Variants in SLC36A4 observed in about 807,000 individuals in gnomAD.
The protein encoded by SLC36A4 is solute carrier family 36 member 4.
SLC36A4 carries 49 observed loss-of-function variants against 50.5 expected under a neutral mutation model. That is an observed-to-expected ratio of 0.97 (90% CI 0.77 to 1.23). The LOEUF (loss-of-function observed/expected upper bound fraction) is 1.23, where lower values mean the gene tolerates loss of function less well. Among genes scored for constraint, SLC36A4 ranks in the 50% most tolerant of loss-of-function variants. SLC36A4 has a pLI of 0.00. For missense variants in SLC36A4, 611 were observed against 608.4 expected, an observed-to-expected ratio of 1.00 and a Z score of -0.05; for synonymous variants, 207 against 206.5, an observed-to-expected ratio of 1.00 and a Z score of -0.02.
rs1365221165 is a variant in SLC36A4 at position 93,167,941 on chromosome 11, T to C, written c.768+3A>G. The C allele has an allele frequency of 1.3e-6, 2 of 1,586,018 alleles. No homozygotes were observed. Among genetic ancestry groups the C allele is most frequent in the Non-Finnish European group, 1.7e-6 (2 of 1,168,730 alleles). On this transcript the variant is annotated splice_donor_region_variant and intron_variant, in intron 7 of 10. Coordinates refer to ENST00000326402, the MANE Select transcript of SLC36A4 (RefSeq NM_152313.4). ...AACTTAGTTAAAAACTTTTTATACT[T>C]ACCCTGACAACATACTGGTAAATTA...
intron 9 of SLC36A4, chr11:93,155,272 G>A (rs1168391261): frequency 6.6e-6 from 1 of 152,120 alleles, no homozygotes; most frequent in Non-Finnish European, 1.5e-5. Flanking sequence ...TCAGTGTGCT[G>A]CAACTTCGGG....
At chr11:93,193,346 C>T (rs1251085711) in intron 1 of SLC36A4, among the ~76,000 whole-genome samples, 1 of 152,050 alleles carries the variant, frequency 6.6e-6, no homozygotes, top group Non-Finnish European at 1.5e-5. Flanking sequence ...GATTATAGAA[C>T]CCAATTTACA....
At chr11:93,195,753 C>T (rs1468781706) in intron 1 of SLC36A4, among the ~76,000 whole-genome samples, 2 of 152,182 alleles carry the variant, frequency 1.3e-5, no homozygotes, top group African/African-American at 4.8e-5. Context: ...TTTAGTTATT[C>T]TTTCTGCCTG....
intron 9 of SLC36A4, chr11:93,160,922 A>G (rs1394419613): frequency 3.9e-6 from 1 of 257,444 alleles, no homozygotes; most frequent in Non-Finnish European, 6.1e-6. Context: ...CTCACTGTAT[A>G]ATCAACCTCC....
rs1158627511 is a variant in SLC36A4, at chr11:93,147,992, A to G, written c.*545T>C. 6.6e-6 allele frequency: 1 copy of G among 152,428 alleles called. No individual in the cohort carries two copies. Among genetic ancestry groups the G allele is most frequent in the African/African-American group, 2.4e-5 (1 of 41,426 alleles). 9.4% of individuals were successfully genotyped at this position (152,428 alleles called of 1,614,324 possible). ...TAGTGTTTGCAATTTTCTGATGCTTATATTATGTTAATGGGAGTTTTCTAT... is the reference window on the plus strand; with the variant it reads ...TAGTGTTTGCAATTTTCTGATGCTTGTATTATGTTAATGGGAGTTTTCTAT... On this transcript the variant is annotated 3_prime_UTR_variant, in exon 11 of 11. Transcript: ENST00000326402.
chr11:93,197,004 C>CTAT (rs1256284550), intron 1 of SLC36A4, among the ~76,000 whole-genome samples: 21 of 152,292 alleles, frequency 1.4e-4, no homozygotes, highest in African/African-American at 4.8e-4. Context: ...GCCCTGCAGG[C>CTAT]TATTAGAGGA....
chr11:93,160,029 G>A, intron 9 of SLC36A4: 6 of 985,370 alleles, frequency 6.1e-6, no homozygotes, highest in Non-Finnish European at 7.2e-6. Flanking sequence ...TGAAGCACAG[G>A]AAAGAAGTGA....
At chr11:93,171,132 T>C (rs904229437) in intron 6 of SLC36A4, 4 of 152,000 alleles carry the variant, frequency 2.6e-5, no homozygotes, top group Non-Finnish European at 5.9e-5. Flanking sequence ...CTTTTTTTTT[T>C]TCCATGTTAC....
In SLC36A4 at chr11:93,148,674, CAGTGAATGCTAT is replaced by C. The variant is rs1859940320; in HGVS notation, c.1366_1377del (p.Ile456_Thr459del). 7 of 1,612,818 alleles carry C rather than the reference CAGTGAATGCTAT, an allele frequency of 4.3e-6. No individual in the cohort carries two copies. The East Asian group carries it at 1.6e-4, about 36-fold the overall frequency. On this transcript the variant is annotated inframe_deletion, in exon 11 of 11. Transcript: ENST00000326402. ...GTACCTAATAAGAAGCCAACAACTC[CAGTGAATGCTAT>C]AGAAATATTTTTCAGGACCATCCAT...
At chr11:93,154,753 C>G (rs1860270055) in intron 9 of SLC36A4, 1 of 152,118 alleles carries the variant, frequency 6.6e-6, no homozygotes, top group African/African-American at 2.4e-5. Context: ...GAAATGTCAT[C>G]CATCTTAAGT....
At chr11:93,176,666 T>C (rs1861488979) in intron 6 of SLC36A4, among the ~76,000 whole-genome samples, 1 of 152,144 alleles carries the variant, frequency 6.6e-6, no homozygotes, top group African/African-American at 2.4e-5. Flanking sequence ...TCTCTCAGCA[T>C]TTGCTTGTCT....
chr11:93,184,382 G>T, intron 3 of SLC36A4, 48 bp downstream of exon 3: 1 of 1,144,764 alleles, frequency 8.7e-7, no homozygotes, highest in Non-Finnish European at 1.3e-6. Flanking sequence ...TGCTATAAAT[G>T]AGACTGAGAA....
In SLC36A4 at chr11:93,165,989, T is replaced by C. The variant is rs752875801; in HGVS notation, c.796A>G (p.Ile266Val). The C allele has an allele frequency of 1.1e-5, 18 of 1,610,932 alleles. No homozygotes were observed. The highest frequency in any genetic ancestry group is 1.7e-4 in the Middle Eastern group (1 of 6,040). ...GGGTATTTCTTCCAACCAGCCACTA[T>C]TGGAAGGTTGTGGGGATCTGGCATG... ...RNMPDPHNLP[I>V]VAGWKKYPLF... is the part of the protein sequence containing the mutation. Residue 266 changes from isoleucine to valine, a missense_variant, in exon 8 of 11, where the codon ATA becomes GTA. Coordinates refer to ENST00000326402, the MANE Select transcript of SLC36A4 (RefSeq NM_152313.4).
At chr11:93,159,160 T>A (rs1322454442) in intron 9 of SLC36A4, among the ~76,000 whole-genome samples, 1 of 152,084 alleles carries the variant, frequency 6.6e-6, no homozygotes, top group Non-Finnish European at 1.5e-5. Flanking sequence ...GGAAACAAAA[T>A]CTATTATAAT....
chr11:93,166,828 G>A (rs189282327), intron 7 of SLC36A4: 1 of 152,284 alleles, frequency 6.6e-6, no homozygotes, highest in East Asian at 1.9e-4. Flanking sequence ...GAGAGATCTA[G>A]AATATCTGAA....
intron 3 of SLC36A4, among the ~76,000 whole-genome samples, chr11:93,184,093 A>G (rs528821238): frequency 2.6e-5 from 4 of 152,338 alleles, no homozygotes; most frequent in Admixed American, 2.0e-4. Context: ...CTCTATAAAT[A>G]TATTTGTTGC....
In SLC36A4 at chr11:93,184,569, T is replaced by C. The variant is rs550868609; in HGVS notation, c.180-49A>G. 3.6e-6 allele frequency: 4 copies of C among 1,099,920 alleles called. No homozygotes were observed. The South Asian group carries it at 5.2e-5, about 14-fold the overall frequency. The allele number at this position is 1,099,920 out of a possible 1,614,324, so 68.1% of individuals were successfully genotyped here. A position where few individuals can be genotyped will look rare whatever the true frequency, so the allele number is the denominator to read the frequency against. ...TTAAATATTTTAGAACAAAATCTAT[T>C]ATAACATGATCATGGTTTTAGTACT... On this transcript the variant is annotated intron_variant, in intron 2 of 10. Transcript: ENST00000326402.
At chr11:93,151,049 C>A (rs984266236) in intron 10 of SLC36A4, among the ~76,000 whole-genome samples, 8 of 151,908 alleles carry the variant, frequency 5.3e-5, no homozygotes, top group Non-Finnish European at 1.2e-4. Flanking sequence ...AAGTATAATT[C>A]TCATCTAAAA....
At position 93,146,966 on chromosome 11, in the gene SLC36A4, G is replaced by A. The variant is rs1859859653; in HGVS notation, c.*1571C>T. On this transcript the variant is annotated 3_prime_UTR_variant, in exon 11 of 11. Coordinates refer to ENST00000326402, the MANE Select transcript of SLC36A4 (RefSeq NM_152313.4). ...TGAATCCCTTTATGTTATGATTCTTGTATATATTTATTGTTGTTTTAGTTT... is the reference window on the plus strand; with the variant it reads ...TGAATCCCTTTATGTTATGATTCTTATATATATTTATTGTTGTTTTAGTTT... The A allele has an allele frequency of 6.6e-6, 1 of 151,938 alleles. No individual in the cohort carries two copies. The highest frequency in any genetic ancestry group is 1.5e-5 in the Non-Finnish European group (1 of 67,960). The allele number at this position is 151,938 out of a possible 1,614,324, so 9.4% of individuals were successfully genotyped here.
Sources: allele counts gnomAD v4.1 joint callset (sites outside exome capture counted in the v4.1 genomes callset), GRCh38; gene constraint gnomAD v4.1.1; transcripts MANE v1.5; gene names NCBI Gene and HGNC (gene_info 2026-07-23, HGNC 2026-07-21).